Variants in LRRC69 observed in about 807,000 individuals in gnomAD.
The protein encoded by LRRC69 is leucine-rich repeat-containing protein 69.
In LRRC69, 42 loss-of-function variants were observed where a neutral mutation model predicts 37.8. The ratio of observed to expected loss-of-function variants is 1.11; its 90% CI spans 0.87 to 1.44. LRRC69 has a LOEUF of 1.44. Ranked by LOEUF, LRRC69 falls within the 40% of genes most tolerant of loss-of-function variation. The pLI, the probability that LRRC69 is intolerant of heterozygous loss-of-function variation, is 0.00. For missense variants in LRRC69, 357 were observed against 401.9 expected, an observed-to-expected ratio of 0.89 and a Z score of 0.96; for synonymous variants, 141 against 143.1, an observed-to-expected ratio of 0.99 and a Z score of 0.11.
chr8:91,125,234 C>A lies in LRRC69; in HGVS notation c.310+615C>A, dbSNP rs974335153. Among the ~76,000 whole-genome samples the A allele has an allele frequency of 7.2e-5, 11 of 151,924 alleles. No individual in the cohort carries two copies. The East Asian group carries it at 2.1e-3, about 29-fold the overall frequency. ...TCAACTAATGTAAGGTACTTCACCA[C>A]TTTCTGTGTTGGTCCTTAGTAGTAA... On this transcript the variant is annotated intron_variant, in intron 2 of 7. Coordinates refer to ENST00000448384, the Ensembl canonical transcript of LRRC69.
intron 5 of LRRC69, among the ~76,000 whole-genome samples, chr8:91,150,709 T>C (rs1246494534): frequency 2.0e-5 from 3 of 152,008 alleles, no homozygotes; most frequent in African/African-American, 7.2e-5. Flanking sequence ...TGAATCCATC[T>C]GGTCCTGGAT....
chr8:91,179,979 A>G (rs73697135), intron 5 of LRRC69, among the ~76,000 whole-genome samples: 2,809 of 152,220 alleles, frequency 0.018, 74 homozygotes, highest in African/African-American at 0.064. Flanking sequence ...ATTTCATTCA[A>G]CTTTTCATTA....
At chr8:91,109,423 C>G (rs1813373924) in intron 1 of LRRC69, among the ~76,000 whole-genome samples, 1 of 152,064 alleles carries the variant, frequency 6.6e-6, no homozygotes, top group Admixed American at 6.6e-5. Flanking sequence ...ATGCCTTATC[C>G]ATATTGTTTA....
chr8:91,152,458 G>A (rs1376208392), intron 5 of LRRC69, among the ~76,000 whole-genome samples: 2 of 151,558 alleles, frequency 1.3e-5, no homozygotes, highest in Non-Finnish European at 2.9e-5. Context: ...TCTTATTTCT[G>A]AGATGTCTAT....
At chr8:91,194,456 G>A (rs940938380) in intron 6 of LRRC69, among the ~76,000 whole-genome samples, 6 of 151,876 alleles carry the variant, frequency 4.0e-5, no homozygotes, top group East Asian at 3.9e-4. Context: ...GGTAGAATTC[G>A]GCTGTGAATC....
intron 5 of LRRC69, among the ~76,000 whole-genome samples, chr8:91,187,302 A>T (rs1051759592): frequency 1.3e-5 from 2 of 152,222 alleles, no homozygotes; most frequent in African/African-American, 4.8e-5. Flanking sequence ...TGAGTCATTA[A>T]GTCAAAGTCA....
intron 6 of LRRC69, among the ~76,000 whole-genome samples, chr8:91,195,036 A>G (rs932580761): frequency 1.3e-5 from 2 of 152,154 alleles, no homozygotes; most frequent in African/African-American, 4.8e-5. Flanking sequence ...AGATTCTGGT[A>G]TGTTGTGTCT....
intron 1 of LRRC69, among the ~76,000 whole-genome samples, chr8:91,114,314 A>C (rs1405184852): frequency 6.6e-6 from 1 of 151,998 alleles, no homozygotes; most frequent in East Asian, 1.9e-4. Flanking sequence ...TATCCAAAGC[A>C]AATGAAATCA....
intron 1 of LRRC69, among the ~76,000 whole-genome samples, chr8:91,106,839 C>G (rs1273208831): frequency 6.6e-6 from 1 of 151,892 alleles, no homozygotes; most frequent in South Asian, 2.1e-4. Context: ...GTCACCCAAG[C>G]TGGAGTGTAC....
At chr8:91,205,524 T>G (rs986725409) in intron 7 of LRRC69, 1 of 151,860 alleles carries the variant, frequency 6.6e-6, no homozygotes. Flanking sequence ...ACAGACAGCC[T>G]GATAGACAGG....
At chr8:91,160,759 TCAGG>T (rs1220384169) in intron 5 of LRRC69, among the ~76,000 whole-genome samples, 2 of 151,282 alleles carry the variant, frequency 1.3e-5, no homozygotes, top group African/African-American at 2.4e-5. Context: ...CTACCCAGTC[TCAGG>T]CAGTTCTTTA....
At chr8:91,190,680 G>A (rs1320823095) in intron 6 of LRRC69, among the ~76,000 whole-genome samples, 1 of 151,990 alleles carries the variant, frequency 6.6e-6, no homozygotes, top group African/African-American at 2.4e-5. Context: ...TGTATATGAT[G>A]ATATCATAAT....
intron 5 of LRRC69, among the ~76,000 whole-genome samples, chr8:91,170,748 A>G (rs1210121238): frequency 4.5e-5 from 4 of 88,922 alleles, no homozygotes. Flanking sequence ...ACAAAAATCA[A>G]TTCAAGATGG....
At chr8:91,213,054 C>A (rs1809963498) in intron 7 of LRRC69, among the ~76,000 whole-genome samples, 1 of 152,028 alleles carries the variant, frequency 6.6e-6, no homozygotes, top group Admixed American at 6.6e-5. Flanking sequence ...AATAATCTTA[C>A]ATTTTATTGA....
intron 7 of LRRC69, among the ~76,000 whole-genome samples, chr8:91,216,150 A>T (rs949706275): frequency 1.3e-5 from 2 of 152,210 alleles, no homozygotes; most frequent in African/African-American, 4.8e-5. Context: ...CATGTTCACT[A>T]TAAAACTAAC....
rs1289695805 is a variant in LRRC69, at chr8:91,102,864, T to A, written c.183+20T>A. On this transcript the variant is annotated intron_variant, in intron 1 of 7. Transcript: ENST00000448384. Reference sequence around the variant, plus strand: ...ACCCAGGTGAGGAACAGTGTTTTGCTGTTGTGGTTTGGTATTGAAGATGGA... The same window carrying A: ...ACCCAGGTGAGGAACAGTGTTTTGCAGTTGTGGTTTGGTATTGAAGATGGA... 2 of 1,525,158 alleles carry A rather than the reference T, an allele frequency of 1.3e-6. No individual in the cohort carries two copies. The highest frequency in any genetic ancestry group is 4.4e-5 in the Admixed American group (2 of 45,958). 94.5% of individuals were successfully genotyped at this position (1,525,158 alleles called of 1,614,324 possible). A position where few individuals can be genotyped will look rare whatever the true frequency, so the allele number is the denominator to read the frequency against.
chr8:91,104,562 ATAATTTT>A (rs1269500389), intron 1 of LRRC69, among the ~76,000 whole-genome samples: 2 of 151,872 alleles, frequency 1.3e-5, no homozygotes, highest in Non-Finnish European at 2.9e-5. Context: ...TTCAAACTGT[ATAATTTT>A]TTTCTGTCAA....
At chr8:91,196,251 G>A (rs1463788554) in intron 6 of LRRC69, among the ~76,000 whole-genome samples, 2 of 151,808 alleles carry the variant, frequency 1.3e-5, no homozygotes, top group African/African-American at 2.4e-5. Context: ...AGGGTAACCC[G>A]ACCTTTCTCT....
chr8:91,176,134 A>ATATATATATAT, intron 5 of LRRC69, among the ~76,000 whole-genome samples: 15 of 75,700 alleles, frequency 2.0e-4, no homozygotes, highest in African/African-American at 8.5e-4. Context: ...ATATATATAT[A>ATATATATATAT]TTTTTTTTTT....
Sources: gnomAD v4.1 joint callset for allele counts (sites outside exome capture counted in the v4.1 genomes callset) on GRCh38, gnomAD v4.1.1 for gene constraint, MANE v1.5 for transcripts, NCBI Gene and HGNC (gene_info 2026-07-23, HGNC 2026-07-21) for gene names.